UBE2G1: variants seen among roughly 807,000 people sequenced by gnomAD.
The protein encoded by UBE2G1 is ubiquitin conjugating enzyme E2 G1.
In UBE2G1, 5 loss-of-function variants were observed where a neutral mutation model predicts 22.7. The observed-to-expected ratio is 0.22, with a 90% CI of 0.12 to 0.46. The LOEUF is 0.46. Ranked by LOEUF, UBE2G1 falls within the 20% of genes least tolerant of loss-of-function variation. UBE2G1 has a pLI of 0.99. For missense variants in UBE2G1, 88 were observed against 203.9 expected (o/e 0.43, Z 3.46); for synonymous variants, 74 against 67.5 (o/e 1.10, Z -0.47).
At position 4,270,779 on chromosome 17, in the gene UBE2G1, C is replaced by T. The variant is rs1245657354; in HGVS notation, c.*1775G>A. ...GTATAATGTTTACAGGTTTTTATAACGCTTCAGAGTAGAGGACAGGGACTT... is the reference window on the plus strand; with the variant it reads ...GTATAATGTTTACAGGTTTTTATAATGCTTCAGAGTAGAGGACAGGGACTT... On this transcript the variant is annotated 3_prime_UTR_variant, in exon 6 of 6. Transcript: ENST00000396981. 2 of 152,008 alleles carry T rather than the reference C, an allele frequency of 1.3e-5. No individual in the cohort carries two copies. Among genetic ancestry groups the T allele is most frequent in the East Asian group, 1.9e-4 (1 of 5,190 alleles). The allele number at this position is 152,008 out of a possible 1,614,324, so 9.4% of individuals were successfully genotyped here. A position where few individuals can be genotyped will look rare whatever the true frequency, so the allele number is the denominator to read the frequency against.
chr17:4,300,071 G>A (rs912181186), intron 2 of UBE2G1, among the ~76,000 whole-genome samples: 15 of 115,574 alleles, frequency 1.3e-4, no homozygotes, highest in African/African-American at 4.1e-4. Context: ...CTGAGCCACC[G>A]CACCTGGCCT....
At chr17:4,326,303 A>T (rs958852157) in intron 1 of UBE2G1, among the ~76,000 whole-genome samples, 7 of 152,204 alleles carry the variant, frequency 4.6e-5, no homozygotes, top group African/African-American at 1.7e-4. Context: ...CTCCAAAGAT[A>T]AAAAGATGTC....
At position 4,307,125 on chromosome 17, in the gene UBE2G1, T is replaced by TGTTGA; in HGVS notation, c.47-3_47-2insTCAAC. On this transcript the variant is annotated splice_region_variant and splice_polypyrimidine_tract_variant and intron_variant, in intron 1 of 5. Coordinates refer to ENST00000396981, the MANE Select transcript of UBE2G1 (RefSeq NM_003342.5). ...CTTCCACTGGATTTTTGTTGAGTTC[T>TGTTGA]GTGGAAAAAGAAAAGTTTAATCAAT... The TGTTGA allele has an allele frequency of 6.2e-7, 1 of 1,613,376 alleles. No homozygotes were observed. Among genetic ancestry groups the TGTTGA allele is most frequent in the Non-Finnish European group, 8.5e-7 (1 of 1,179,422 alleles).
chr17:4,283,767 G>A lies in UBE2G1; in HGVS notation c.427-846C>T, dbSNP rs147412593. Among the ~76,000 whole-genome samples, 276 of 152,174 alleles carry A rather than the reference G, an allele frequency of 1.8e-3. 10 individuals are homozygous for A. The East Asian group carries it at 0.046, about 25-fold the overall frequency. ...AGCAGGAGAGAGAGGAGTTGGAGGA[G>A]AGAGGAAACAAAGGGAAAAGGGTCT... On this transcript the variant is annotated intron_variant, in intron 4 of 5. Coordinates refer to ENST00000396981, the MANE Select transcript of UBE2G1 (RefSeq NM_003342.5).
chr17:4,296,637 G>C, intron 3 of UBE2G1, 80 bp downstream of exon 3: 5 of 1,307,358 alleles, frequency 3.8e-6, no homozygotes, highest in Non-Finnish European at 4.4e-6. Flanking sequence ...CTGAGAAACA[G>C]ATCTTTCTTA....
intron 1 of UBE2G1, among the ~76,000 whole-genome samples, chr17:4,341,206 A>G (rs1421602570): frequency 6.6e-6 from 1 of 152,128 alleles, no homozygotes; most frequent in Non-Finnish European, 1.5e-5. Context: ...CAAACTTAAC[A>G]ATTTCAGTCA....
At chr17:4,353,462 T>TACACACACACACAC (rs150917099) in intron 1 of UBE2G1, among the ~76,000 whole-genome samples, 13 of 148,122 alleles carry the variant, frequency 8.8e-5, no homozygotes, top group African/African-American at 2.8e-4. Flanking sequence ...TATATATATA[T>TACACACACACACAC]ACACACACAC....
intron 2 of UBE2G1, chr17:4,302,636 C>T: frequency 8.7e-6 from 3 of 345,014 alleles, no homozygotes; most frequent in South Asian, 5.7e-5. Context: ...GAATCATGCC[C>T]AGGGTGAGAA....
intron 1 of UBE2G1, among the ~76,000 whole-genome samples, chr17:4,348,119 G>A (rs949129787): frequency 1.3e-5 from 2 of 152,188 alleles, no homozygotes; most frequent in Non-Finnish European, 2.9e-5. Flanking sequence ...TTAGCCAGGC[G>A]CAATGGCGTG....
chr17:4,296,565 T>C lies in UBE2G1; in HGVS notation c.247+152A>G. ...CACTGCACCTGGCCTCTCCTCCTTT[T>C]AAAGGTTTTAGTACACAGCCATGTG... On this transcript the variant is annotated intron_variant, in intron 3 of 5. Transcript: ENST00000396981. 3.9e-6 allele frequency: 3 copies of C among 773,566 alleles called. No individual in the cohort carries two copies. The South Asian group carries it at 4.4e-5, about 11-fold the overall frequency. 47.9% of individuals were successfully genotyped at this position (773,566 alleles called of 1,614,324 possible).
At chr17:4,349,938 C>CT (rs1346207875) in intron 1 of UBE2G1, among the ~76,000 whole-genome samples, 1 of 152,036 alleles carries the variant, frequency 6.6e-6, no homozygotes, top group Admixed American at 6.6e-5. Flanking sequence ...TTTCAAAGGC[C>CT]TGTTACTTAT....
intron 1 of UBE2G1, among the ~76,000 whole-genome samples, 168 bp downstream of exon 1, chr17:4,366,103 C>A (rs1321927670): frequency 1.3e-5 from 2 of 152,140 alleles, no homozygotes; most frequent in Non-Finnish European, 2.9e-5. Flanking sequence ...CTCCAAGAGC[C>A]GGGCGAGAAC....
At chr17:4,308,604 A>T (rs934979787) in intron 1 of UBE2G1, among the ~76,000 whole-genome samples, 7 of 152,246 alleles carry the variant, frequency 4.6e-5, no homozygotes, top group Non-Finnish European at 5.9e-5. Flanking sequence ...CAATCACAAT[A>T]GTGAATGCAT....
intron 1 of UBE2G1, among the ~76,000 whole-genome samples, chr17:4,354,743 C>T (rs1377454839): frequency 6.6e-6 from 1 of 152,014 alleles, no homozygotes; most frequent in African/African-American, 2.4e-5. Context: ...CCAGCCTGGG[C>T]AACGTGGCAA....
intron 1 of UBE2G1, among the ~76,000 whole-genome samples, chr17:4,310,535 C>T (rs900365616): frequency 1.3e-5 from 2 of 152,028 alleles, no homozygotes; most frequent in South Asian, 4.1e-4. Context: ...ACTGGAACGG[C>T]GGGGGGCAGG....
chr17:4,356,660 G>C (rs141248944), intron 1 of UBE2G1, among the ~76,000 whole-genome samples: 2 of 152,140 alleles, frequency 1.3e-5, no homozygotes, highest in South Asian at 2.1e-4. Flanking sequence ...TTGAGTCCAG[G>C]AGTTCAAGAC....
At chr17:4,309,591 A>G (rs184711563) in intron 1 of UBE2G1, among the ~76,000 whole-genome samples, 208 of 152,364 alleles carry the variant, frequency 1.4e-3, no homozygotes, top group Middle Eastern at 0.014. Flanking sequence ...CTTTCCTGTC[A>G]ACTGAGGAAC....
chr17:4,361,707 G>C (rs1361507924), intron 1 of UBE2G1, among the ~76,000 whole-genome samples: 1 of 151,914 alleles, frequency 6.6e-6, no homozygotes, highest in Non-Finnish European at 1.5e-5. Flanking sequence ...CGTAAGCTGA[G>C]GCGGGTGAAT....
At position 4,334,653 on chromosome 17, in the gene UBE2G1, C is replaced by A. The variant is rs184636329; in HGVS notation, c.47-27530G>T. 7.6e-4 allele frequency among the ~76,000 whole-genome samples: 115 copies of A among 152,216 alleles called. 3 individuals are homozygous for A. In the East Asian group the frequency reaches 0.015, roughly 20 times the overall value. ...TCCCCAGTTCAAACGGATTCTCCTGCCTCAGCCTCCCGAGTAGCTAGGATT... is the reference window on the plus strand; with the variant it reads ...TCCCCAGTTCAAACGGATTCTCCTGACTCAGCCTCCCGAGTAGCTAGGATT... On this transcript the variant is annotated intron_variant, in intron 1 of 5. Coordinates refer to ENST00000396981, the MANE Select transcript of UBE2G1 (RefSeq NM_003342.5).
Sources: allele counts gnomAD v4.1 joint callset (sites outside exome capture counted in the v4.1 genomes callset), GRCh38; gene constraint gnomAD v4.1.1; transcripts MANE v1.5; gene names NCBI Gene and HGNC (gene_info 2026-07-23, HGNC 2026-07-21).